GPC6: variants seen among roughly 807,000 people sequenced by gnomAD.
GPC6 encodes glypican-6.
GPC6 carries 14 observed loss-of-function variants against 55.2 expected under a neutral mutation model. That is an observed-to-expected ratio of 0.25 (90% confidence interval 0.17 to 0.40). GPC6 has a LOEUF of 0.40. Among genes scored for constraint, GPC6 ranks in the 10% least tolerant of loss-of-function variants. The probability of loss-of-function intolerance (pLI) is 1.00; values close to 1 mark genes in which losing one functional copy is unlikely to be tolerated. For synonymous variants in GPC6, 278 were observed against 259.6 expected (o/e 1.07, Z -0.68); for missense variants, 641 against 708.5 (o/e 0.90, Z 1.08).
intron 1 of GPC6, among the ~76,000 whole-genome samples, chr13:93,278,994 A>G (rs904061426): frequency 6.6e-6 from 1 of 152,218 alleles, no homozygotes; most frequent in Non-Finnish European, 1.5e-5. Flanking sequence ...ATCATAATAG[A>G]TTTATGTTAA....
chr13:94,337,671 C>A (rs567206680), intron 6 of GPC6, among the ~76,000 whole-genome samples: 125 of 152,256 alleles, frequency 8.2e-4, no homozygotes, highest in African/African-American at 3.0e-3. Context: ...TGGTCTTGAT[C>A]TCCCGACCTC....
chr13:93,603,655 G>T (rs1878118101), intron 2 of GPC6, among the ~76,000 whole-genome samples: 1 of 152,186 alleles, frequency 6.6e-6, no homozygotes. Context: ...TAATTGTGAA[G>T]TAAGATTAAT....
chr13:93,881,268 T>G (rs1874956957), intron 3 of GPC6, among the ~76,000 whole-genome samples: 1 of 152,104 alleles, frequency 6.6e-6, no homozygotes, highest in Admixed American at 6.6e-5. Context: ...TAGAAAGCAA[T>G]TTAAATGTAA....
chr13:93,461,678 G>A (rs1319559172), intron 1 of GPC6, among the ~76,000 whole-genome samples: 1 of 151,756 alleles, frequency 6.6e-6, no homozygotes, highest in Non-Finnish European at 1.5e-5. Context: ...GGGTTGGGGG[G>A]GGGTGTTGAT....
intron 4 of GPC6, among the ~76,000 whole-genome samples, chr13:94,058,624 T>G (rs1228488069): frequency 6.6e-6 from 1 of 152,160 alleles, no homozygotes; most frequent in Non-Finnish European, 1.5e-5. Context: ...AAGCCTGTTT[T>G]TATAAGCCTG....
intron 6 of GPC6, among the ~76,000 whole-genome samples, chr13:94,358,610 G>A (rs185585131): frequency 2.0e-5 from 3 of 152,168 alleles, no homozygotes; most frequent in Admixed American, 6.5e-5. Context: ...CAGATTTCCC[G>A]TGTATCAGGA....
intron 2 of GPC6, among the ~76,000 whole-genome samples, chr13:93,722,134 G>T (rs1385482854): frequency 6.6e-6 from 1 of 151,416 alleles, no homozygotes; most frequent in African/African-American, 2.4e-5. Context: ...ATGCAAAAAA[G>T]GAAAGTTTAA....
chr13:94,106,868 G>A (rs1437399867), intron 4 of GPC6, among the ~76,000 whole-genome samples: 2 of 152,150 alleles, frequency 1.3e-5, no homozygotes, highest in Admixed American at 6.5e-5. Flanking sequence ...GGTGATGACT[G>A]AAAGTTTTAT....
chr13:94,121,676 A>T (rs1886635672), intron 4 of GPC6, among the ~76,000 whole-genome samples: 1 of 152,146 alleles, frequency 6.6e-6, no homozygotes, highest in African/African-American at 2.4e-5. Flanking sequence ...ACCCAAATAA[A>T]ACATAGACAC....
At chr13:94,043,191 A>G (rs1883603937) in intron 4 of GPC6, among the ~76,000 whole-genome samples, 1 of 151,802 alleles carries the variant, frequency 6.6e-6, no homozygotes, top group South Asian at 2.1e-4. Context: ...GGGGAGCACT[A>G]GTTCCTTTAT....
At position 93,309,767 on chromosome 13, in the gene GPC6, C is replaced by T. The variant is rs151328824; in HGVS notation, c.160+82151C>T. 6.1e-3 allele frequency among the ~76,000 whole-genome samples: 924 copies of T among 152,188 alleles called. 12 individuals carry two copies. The highest frequency in any genetic ancestry group is 0.018 in the African/African-American group (764 of 41,522). ...GGTGATCATGTGGGGATATAATGTA[C>T]GTAGTAATGTTACACAGTGTAATAG... is the stretch of plus-strand genomic sequence containing the variant. On this transcript the variant is annotated intron_variant, in intron 1 of 8. Transcript: ENST00000377047.
At chr13:93,440,407 T>G (rs1291647704) in intron 1 of GPC6, among the ~76,000 whole-genome samples, 3 of 152,204 alleles carry the variant, frequency 2.0e-5, no homozygotes, top group African/African-American at 7.2e-5. Context: ...TTTGTTTTTC[T>G]TTATTGTTAT....
chr13:93,613,700 C>G (rs947608856), intron 2 of GPC6, among the ~76,000 whole-genome samples: 1 of 152,124 alleles, frequency 6.6e-6, no homozygotes, highest in Non-Finnish European at 1.5e-5. Flanking sequence ...GAACTTGCTT[C>G]TTGCTCCATC....
At chr13:93,796,193 TGA>T in intron 2 of GPC6, among the ~76,000 whole-genome samples, 1 of 151,892 alleles carries the variant, frequency 6.6e-6, no homozygotes, top group East Asian at 1.9e-4. Context: ...GAGACCCTGT[TGA>T]AAAAAAAAGG....
At chr13:93,439,120 A>G (rs1234151017) in intron 1 of GPC6, among the ~76,000 whole-genome samples, 6 of 152,342 alleles carry the variant, frequency 3.9e-5, no homozygotes, top group Non-Finnish European at 4.4e-5. Context: ...GGACTACAGA[A>G]TATTATAAAC....
At chr13:93,751,180 AAC>A (rs1348535593) in intron 2 of GPC6, among the ~76,000 whole-genome samples, 4 of 152,000 alleles carry the variant, frequency 2.6e-5, no homozygotes, top group South Asian at 2.1e-4. Flanking sequence ...CAAACAAACA[AAC>A]AAACAAAAAA....
intron 1 of GPC6, among the ~76,000 whole-genome samples, chr13:93,404,571 T>C (rs1386598571): frequency 6.6e-6 from 1 of 152,174 alleles, no homozygotes; most frequent in Non-Finnish European, 1.5e-5. Context: ...GTAGATTGCT[T>C]GATTGATTAG....
chr13:94,035,579 T>C (rs543149108), intron 4 of GPC6, among the ~76,000 whole-genome samples: 4 of 151,968 alleles, frequency 2.6e-5, no homozygotes, highest in Non-Finnish European at 5.9e-5. Flanking sequence ...ACCAATATAA[T>C]AGAATAAAGG....
At chr13:94,217,974 A>G (rs1890272154) in intron 4 of GPC6, among the ~76,000 whole-genome samples, 1 of 152,222 alleles carries the variant, frequency 6.6e-6, no homozygotes, top group Non-Finnish European at 1.5e-5. Context: ...AGTGGTTGCT[A>G]TTTAAATATG....
Sources: allele counts gnomAD v4.1 joint callset (sites outside exome capture counted in the v4.1 genomes callset), GRCh38; gene constraint gnomAD v4.1.1; transcripts MANE v1.5; gene names NCBI Gene and HGNC (gene_info 2026-07-23, HGNC 2026-07-21).